HJURP: variants seen among roughly 807,000 people sequenced by gnomAD.
HJURP encodes the protein 14-3-3-associated AKT substrate.
A neutral mutation model predicts 72.0 loss-of-function variants in HJURP; 49 were observed. The observed-to-expected ratio is 0.68, with a 90% CI of 0.54 to 0.86. The LOEUF (loss-of-function observed/expected upper bound fraction) is 0.86, where lower values mean the gene tolerates loss of function less well. Ranked by LOEUF, HJURP falls within the 40% of genes least tolerant of loss-of-function variation. HJURP has a pLI of 0.00. For missense variants in HJURP, 908 were observed against 936.3 expected (o/e 0.97, Z 0.39); for synonymous variants, 357 against 347.1 (o/e 1.03, Z -0.32).
In HJURP at chr2:233,840,608, C is replaced by A. The variant is rs1559495279; in HGVS notation, c.2171+1G>T. On this transcript the variant is annotated splice_donor_variant, in intron 8 of 8. Transcript: ENST00000411486. LOFTEE classifies it high-confidence loss of function. ...CATTCAACCAACAGAAACACACCTA[C>A]CTCTCTTCTGAGTTGGGCTGTGAAG... The A allele has an allele frequency of 8.2e-6, 13 of 1,577,238 alleles. No individual in the cohort carries two copies. The South Asian group carries it at 1.5e-4, about 19-fold the overall frequency.
rs145716814 is a variant in HJURP, at chr2:233,841,048, C to T, written c.1732G>A (p.Asp578Asn). 680 of 1,614,070 alleles carry T rather than the reference C, an allele frequency of 4.2e-4. No homozygotes were observed. Among genetic ancestry groups the T allele is most frequent in the Non-Finnish European group, 5.5e-4 (644 of 1,180,036 alleles). The change falls in exon 8 of 9, where the codon GAT becomes AAT. Residue 578 changes from aspartate to asparagine, a missense_variant. Asp to Asn is a conservative substitution (Grantham distance 23, BLOSUM62 1). This residue lies in a region of HJURP where 598 missense variants were observed against 619.5 expected (regional missense o/e 0.97). Coordinates refer to ENST00000411486, the MANE Select transcript of HJURP (RefSeq NM_018410.5). ...EVPGHGRNRY[D>N]EIKEEFDKLH... Reference sequence around the variant, plus strand: ...TTGTCAAATTCTTCTTTAATTTCATCGTAACGATTCCTTCCGTGGCCTGGC... The same window carrying T: ...TTGTCAAATTCTTCTTTAATTTCATTGTAACGATTCCTTCCGTGGCCTGGC...
chr2:233,849,817 G>C lies in HJURP; in HGVS notation c.283C>G (p.Gln95Glu). Residue 95 changes from glutamine (Q) to glutamate (E), a missense_variant, in exon 4 of 9, where the codon CAA (glutamine) becomes GAA (glutamate). By Grantham distance (29) the Gln-to-Glu change is conservative. This residue lies in a region of HJURP where 299 missense variants were observed against 286.7 expected (regional missense o/e 1.04). Transcript: ENST00000411486. ...AGCTCAGGACCCCAGGCTGCAGCTT[G>C]CACGGAGCCATCTGTCCTGTCCGCG... ...KPADRTDGSVQAAAWGPELPS... is the reference protein window; with the variant it reads ...KPADRTDGSVEAAAWGPELPS... 2.6e-6 allele frequency: 4 copies of C among 1,554,476 alleles called. No homozygotes were observed. The highest frequency in any genetic ancestry group is 2.6e-6 in the Non-Finnish European group (3 of 1,148,400).
intron 8 of HJURP, among the ~76,000 whole-genome samples, chr2:233,840,329 G>GA (rs1000887980): frequency 3.9e-5 from 6 of 152,160 alleles, no homozygotes; most frequent in South Asian, 2.1e-4. Flanking sequence ...GGATTTGCAG[G>GA]AAAAAAGCCT....
chr2:233,840,327 A>G (rs169924), intron 8 of HJURP, among the ~76,000 whole-genome samples: 63,979 of 152,086 alleles, frequency 0.42, 13,737 homozygotes, highest in South Asian at 0.58. Context: ...GAGGATTTGC[A>G]GGAAAAAAGC....
rs185225058 is a variant in HJURP at position 233,841,390 on chromosome 2, T to C, written c.1390A>G (p.Met464Val). Residue 464 changes from methionine to valine, a missense_variant, in exon 8 of 9, where the codon ATG (methionine) becomes GTG (valine). Around this residue, in one of 3 missense-constraint regions of HJURP, gnomAD observed 598 missense variants for 619.5 expected, o/e 0.97. Coordinates refer to ENST00000411486, the MANE Select transcript of HJURP (RefSeq NM_018410.5). Reference protein sequence around the residue: ...RRMCLPDSWAMNMYRGGPASP... With the variant: ...RRMCLPDSWAVNMYRGGPASP... ...GCAGGACCCCCTCTGTACATGTTCA[T>C]GGCCCAGGAGTCCGGGAGGCACATC... is the stretch of plus-strand genomic sequence containing the variant. 74 of 1,614,188 alleles carry C rather than the reference T, an allele frequency of 4.6e-5. No homozygotes were observed. In the East Asian group the frequency reaches 1.5e-3, roughly 33 times the overall value.
In HJURP at chr2:233,838,722, GAGA is replaced by G. The variant is rs146275224; in HGVS notation, c.2172-1073_2172-1071del. Among the ~76,000 whole-genome samples, 759 of 152,318 alleles carry G rather than the reference GAGA, an allele frequency of 5.0e-3. 10 individuals carry two copies. The highest frequency in any genetic ancestry group is 0.017 in the African/African-American group (726 of 41,564). On this transcript the variant is annotated intron_variant, in intron 8 of 8. Transcript: ENST00000411486. The stretch of plus-strand genomic sequence containing the variant: ...TTGGTGAAATTCTCCCCTTTCAACT[GAGA>G]AGGAGACTCTTGAGAGGTCATCTGT...
chr2:233,853,858 T>G lies in HJURP; in HGVS notation c.170A>C (p.Tyr57Ser). 3.7e-6 allele frequency: 6 copies of G among 1,614,020 alleles called. No homozygotes were observed. The highest frequency in any genetic ancestry group is 5.1e-6 in the Non-Finnish European group (6 of 1,179,892). The change falls in exon 2 of 9, where the codon TAC (tyrosine) becomes TCC (serine). Residue 57 changes from tyrosine (Y) to serine (S), a missense_variant. Physicochemically the swap from Tyr to Ser is moderately radical, Grantham distance 144 (BLOSUM62 -2). Transcript: ENST00000411486. ...AAGACCCTTACCCTGTGGCGTCTCG[T>G]AGGTCAGCGTGGCCATTTGCACCAC... ...TPVVQMATLTYETPQGLRIWG... is the reference protein window; with the variant it reads ...TPVVQMATLTSETPQGLRIWG...
At chr2:233,843,669 C>T (rs952468181) in intron 7 of HJURP, among the ~76,000 whole-genome samples, 3 of 152,068 alleles carry the variant, frequency 2.0e-5, no homozygotes, top group African/African-American at 7.3e-5. Context: ...TGAGTGGGTC[C>T]GGAAACGATC....
Position 233,837,631 on chromosome 2 carries a change from C to T in HJURP, c.2193G>A (p.Arg731=). 4 of 1,610,200 alleles carry T rather than the reference C, an allele frequency of 2.5e-6. No individual in the cohort carries two copies. The highest frequency in any genetic ancestry group is 3.4e-6 in the Non-Finnish European group (4 of 1,177,424). Residue 731 remains arginine (R), a synonymous_variant, in exon 9 of 9, where the codon AGG becomes AGA. Coordinates refer to ENST00000411486, the MANE Select transcript of HJURP (RefSeq NM_018410.5). ...GCATGAAATCACTTTTCTCTTCCAT[C>T]CTGTAAGACGTGTTCTCTCCTCTAG... The part of the protein sequence containing the change: ...SEERGENTSY[R]MEEKSDFMLE...
rs555927833 is a variant in HJURP at position 233,845,959 on chromosome 2, G to A, written c.403-139C>T. On this transcript the variant is annotated intron_variant, in intron 5 of 8. Coordinates refer to ENST00000411486, the MANE Select transcript of HJURP (RefSeq NM_018410.5). ...TCAAAGTCACTTTCACCTCCATGAT[G>A]TTATTCAAAGTCACTTTTTCACTTC... 6.8e-6 allele frequency: 4 copies of A among 585,998 alleles called. No individual in the cohort carries two copies. In the East Asian group the frequency reaches 8.1e-5, roughly 12 times the overall value. The allele number at this position is 585,998 out of a possible 1,614,324, so 36.3% of individuals were successfully genotyped here.
At chr2:233,852,969 A>G (rs927707478) in intron 2 of HJURP, among the ~76,000 whole-genome samples, 3 of 152,188 alleles carry the variant, frequency 2.0e-5, no homozygotes, top group African/African-American at 7.2e-5. Context: ...TTCGCAGGCA[A>G]TCTCTACATC....
At chr2:233,839,367 A>G (rs114997743) in intron 8 of HJURP, among the ~76,000 whole-genome samples, 37 of 152,314 alleles carry the variant, frequency 2.4e-4, no homozygotes, top group African/African-American at 8.4e-4. Context: ...CGAGGATGCA[A>G]TAGCAAAGAA....
intron 6 of HJURP, 26 bp from the exon 7 acceptor site, chr2:233,844,309 GAA>G (rs773824039): frequency 1.2e-6 from 2 of 1,605,662 alleles, no homozygotes; most frequent in African/African-American, 2.7e-5. Flanking sequence ...GTGGTTACAA[GAA>G]AAAAGTTGCC....
intron 4 of HJURP, among the ~76,000 whole-genome samples, chr2:233,849,522 A>G (rs1232303577): frequency 6.6e-6 from 1 of 152,156 alleles, no homozygotes; most frequent in Non-Finnish European, 1.5e-5. Context: ...ATGGAGGGGC[A>G]TGTTTATTTA....
At position 233,845,298 on chromosome 2, in the gene HJURP, C is replaced by T. The variant is rs775038808; in HGVS notation, c.495+430G>A. Among the ~76,000 whole-genome samples, 39 of 152,084 alleles carry T rather than the reference C, an allele frequency of 2.6e-4. 1 individual carries two copies. The highest frequency in any genetic ancestry group is 2.2e-4 in the African/African-American group (9 of 41,404). ...TCCCAAGTAGCTGGGATTACAAGCACGCACCACCACACCCAGCTAATTTTT... is the reference window on the plus strand; with the variant it reads ...TCCCAAGTAGCTGGGATTACAAGCATGCACCACCACACCCAGCTAATTTTT... On this transcript the variant is annotated intron_variant, in intron 6 of 8. Coordinates refer to ENST00000411486, the MANE Select transcript of HJURP (RefSeq NM_018410.5).
chr2:233,843,250 G>A (rs1379055429), intron 7 of HJURP, among the ~76,000 whole-genome samples: 1 of 152,088 alleles, frequency 6.6e-6, no homozygotes, highest in Non-Finnish European at 1.5e-5. Context: ...CAGGCGATCC[G>A]CATTGCTGGC....
At chr2:233,853,803 A>G (rs768667955) in intron 2 of HJURP, 41 bp downstream of exon 2, 2 of 1,529,044 alleles carry the variant, frequency 1.3e-6, no homozygotes, top group Non-Finnish European at 9.0e-7. Flanking sequence ...CTCCATTCAC[A>G]CTCTTCACCC....
intron 3 of HJURP, among the ~76,000 whole-genome samples, chr2:233,852,052 G>A (rs1389290387): frequency 1.3e-5 from 2 of 152,170 alleles, no homozygotes; most frequent in African/African-American, 2.4e-5. Flanking sequence ...CAACACCCTC[G>A]GATCAACTAG....
Position 233,853,421 on chromosome 2 carries a change from A to C in HJURP, c.184+423T>G, listed in dbSNP as rs546767174. On this transcript the variant is annotated intron_variant, in intron 2 of 8. Transcript: ENST00000411486. ...CTACTCCAAGTTAAACAGGGCAAAC[A>C]ATAGTCAATGTGAGTATTCACAGTG... Among the ~76,000 whole-genome samples the C allele has an allele frequency of 3.9e-5, 6 of 152,380 alleles. No homozygotes were observed. In the South Asian group the frequency reaches 1.2e-3, roughly 32 times the overall value.
Sources: gnomAD v4.1 joint callset for allele counts (sites outside exome capture counted in the v4.1 genomes callset) on GRCh38, gnomAD v4.1.1 for gene constraint, gnomAD v4.1.1 regional missense constraint, MANE v1.5 for transcripts, NCBI Gene and HGNC (gene_info 2026-07-23, HGNC 2026-07-21) for gene names.